ZNF263: variants seen among roughly 807,000 people sequenced by gnomAD.
ZNF263 encodes zinc finger protein 263, also known as zinc finger protein FPM315.
ZNF263 carries 49 observed loss-of-function variants against 63.1 expected under a neutral mutation model. That is an observed-to-expected ratio of 0.78 (90% CI 0.62 to 0.99). The LOEUF (loss-of-function observed/expected upper bound fraction) is 0.99. Among genes scored for constraint, ZNF263 ranks in the 50% least tolerant of loss-of-function variants. The pLI is 0.00. For synonymous variants in ZNF263, 352 were observed against 324.2 expected, an observed-to-expected ratio of 1.09 and a Z score of -0.92; for missense variants, 872 against 854.8, an observed-to-expected ratio of 1.02 and a Z score of -0.25.
At chr16:3,298,618 T>C (rs1959833524) in intron 1 of ZNF263, among the ~76,000 whole-genome samples, 1 of 152,188 alleles carries the variant, frequency 6.6e-6, no homozygotes, top group South Asian at 2.1e-4. Context: ...ACCATTAAAT[T>C]GAAAACCTAA....
At position 3,283,989 on chromosome 16, in the gene ZNF263, A is replaced by G. The variant is rs1428403529; in HGVS notation, c.171A>G (p.Glu57=). 1 of 1,613,936 alleles carries G rather than the reference A, an allele frequency of 6.2e-7. No homozygotes were observed. Among genetic ancestry groups the G allele is most frequent in the Admixed American group, 1.7e-5 (1 of 60,024 alleles). ...FRFQEAAGPR[E]ALSRLQELCH... The stretch of plus-strand genomic sequence containing the variant: ...TCCAAGAGGCAGCTGGTCCCCGGGA[A>G]GCCCTCAGCCGGCTCCAAGAGCTTT... The change falls in exon 1 of 6, where the codon GAA becomes GAG. Residue 57 remains glutamate (E), a synonymous_variant. Transcript: ENST00000219069.
downstream of ZNF263, chr16:3,292,932 C>G (rs147470073): frequency 3.1e-4 from 47 of 152,292 alleles, no homozygotes; most frequent in African/African-American, 1.1e-3. Flanking sequence ...GACAGATGAT[C>G]CAAAAGATTT....
At chr16:3,292,914 C>G (rs1441311479), downstream of ZNF263, 1 of 152,170 alleles carries the variant, frequency 6.6e-6, no homozygotes, top group Non-Finnish European at 1.5e-5. Context: ...AAGAAAGTGC[C>G]AACTGTCGAC....
chr16:3,283,641 C>A lies in ZNF263; in HGVS notation c.-178C>A. 8 of 1,020,820 alleles carry A rather than the reference C, an allele frequency of 7.8e-6. No individual in the cohort carries two copies. Among genetic ancestry groups the A allele is most frequent in the Non-Finnish European group, 1.0e-5 (8 of 786,432 alleles). 63.2% of individuals were successfully genotyped at this position (1,020,820 alleles called of 1,614,324 possible). A position where few individuals can be genotyped will look rare whatever the true frequency, so the allele number is the denominator to read the frequency against. ...GGGCCGGCGTGGCGGCGCCTGGGAC[C>A]GACTGAGGCCTAGGCGCCGGAGCCG... On this transcript the variant is annotated 5_prime_UTR_variant, in exon 1 of 6. Coordinates refer to ENST00000219069, the MANE Select transcript of ZNF263 (RefSeq NM_005741.5).
chr16:3,299,392 G>T (rs1192004118), intron 2 of ZNF263: 4 of 1,550,368 alleles, frequency 2.6e-6, no homozygotes, highest in African/African-American at 2.8e-5. Context: ...ATCATATTCA[G>T]GTTCCTTTTT....
chr16:3,298,847 A>G (rs1276013369), intron 1 of ZNF263: 1 of 413,180 alleles, frequency 2.4e-6, no homozygotes, highest in Non-Finnish European at 4.3e-6. Context: ...TTCAAACTGT[A>G]AATTTTATAA....
At position 3,290,655 on chromosome 16, in the gene ZNF263, T is replaced by C. The variant is rs568149888; in HGVS notation, c.*97T>C. ...TCCCTGCCCAGCCGACCAAATGACC[T>C]CTGCATTCTTCAGGTAATGGGGGCT... On this transcript the variant is annotated 3_prime_UTR_variant, in exon 6 of 6. Transcript: ENST00000219069. 6.8e-7 allele frequency: 1 copy of C among 1,477,956 alleles called. No homozygotes were observed. Among genetic ancestry groups the C allele is most frequent in the South Asian group, 1.4e-5 (1 of 71,928 alleles). 91.6% of individuals were successfully genotyped at this position (1,477,956 alleles called of 1,614,324 possible).
chr16:3,290,041 A>G lies in ZNF263; in HGVS notation c.1535A>G (p.His512Arg). 1 of 1,614,200 alleles carries G rather than the reference A, an allele frequency of 6.2e-7. No individual in the cohort carries two copies. The highest frequency in any genetic ancestry group is 8.5e-7 in the Non-Finnish European group (1 of 1,180,034). ...SSNLLRHQRI[H>R]TGERPYKCPE... The stretch of plus-strand genomic sequence containing the variant: ...AACCTCCTTCGGCACCAGAGAATTC[A>G]CACTGGAGAGCGACCTTATAAGTGT... Residue 512 changes from histidine (H) to arginine (R), a missense_variant, in exon 6 of 6, where the codon CAC becomes CGC. Transcript: ENST00000219069.
chr16:3,299,596 C>T (rs1298587462), intron 2 of ZNF263: 6 of 1,556,410 alleles, frequency 3.9e-6, no homozygotes, highest in African/African-American at 2.8e-5. Context: ...TCTATACAGC[C>T]GTTTGCAGCT....
In ZNF263 at chr16:3,299,166, ACT is replaced by A. The variant is rs753044033; in HGVS notation, c.*46+17_*46+18del. The A allele has an allele frequency of 5.1e-6, 8 of 1,557,622 alleles. No individual in the cohort carries two copies. In the South Asian group the frequency reaches 6.2e-5, roughly 12 times the overall value. On this transcript the variant is annotated intron_variant, in intron 2 of 2. Coordinates refer to the ZNF263 transcript ENST00000574674. Reference sequence around the variant, plus strand: ...CAACAAAGTCAAGAAGGTAGTCCAAACTCTCTCTTACAGCAGATAATTTAAAT... The same window carrying A: ...CAACAAAGTCAAGAAGGTAGTCCAAACTCTCTTACAGCAGATAATTTAAAT...
At chr16:3,285,413 G>T (rs998129668) in intron 2 of ZNF263, among the ~76,000 whole-genome samples, 174 bp downstream of exon 2, 2 of 152,216 alleles carry the variant, frequency 1.3e-5, no homozygotes, top group Non-Finnish European at 2.9e-5. Context: ...GCTGGGGGAA[G>T]GGAAGGGAGT....
At position 3,289,632 on chromosome 16, in the gene ZNF263, A is replaced by C; in HGVS notation, c.1126A>C (p.Lys376Gln). 6.2e-7 allele frequency: 1 copy of C among 1,614,202 alleles called. No homozygotes were observed. ...GCGACCGAAGGAACTGCAGCCAAAG[A>C]AACTCCATTTATGTCCCTTGTGTGG... ...LGRPKELQPKKLHLCPLCGKN... is the reference protein window; with the variant it reads ...LGRPKELQPKQLHLCPLCGKN... The change falls in exon 6 of 6, where the codon AAA becomes CAA. Residue 376 changes from lysine to glutamine, a missense_variant. Physicochemically the swap from Lys to Gln is moderately conservative, Grantham distance 53 (BLOSUM62 1). Coordinates refer to ENST00000219069, the MANE Select transcript of ZNF263 (RefSeq NM_005741.5).
chr16:3,283,855 C>T lies in ZNF263; in HGVS notation c.37C>T (p.Leu13Phe), dbSNP rs1029408820. Residue 13 changes from leucine (L) to phenylalanine (F), a missense_variant, in exon 1 of 6, where the codon CTC (leucine) becomes TTC (phenylalanine). Coordinates refer to ENST00000219069, the MANE Select transcript of ZNF263 (RefSeq NM_005741.5). The stretch of plus-strand genomic sequence containing the variant: ...CCCGGGCTCCCAGGAACGGGAAGGG[C>T]TCCTGATAGTGAAGCTGGAGGAGGA... ...SGPGSQEREGLLIVKLEEDCA... is the reference protein window; with the variant it reads ...SGPGSQEREGFLIVKLEEDCA... 2 of 1,600,374 alleles carry T rather than the reference C, an allele frequency of 1.2e-6. No individual in the cohort carries two copies. Among genetic ancestry groups the T allele is most frequent in the Non-Finnish European group, 1.7e-6 (2 of 1,174,762 alleles).
Position 3,289,905 on chromosome 16 carries a change from T to G in ZNF263, c.1399T>G (p.Cys467Gly). The part of the protein sequence containing the change: ...TGEKPYQCNI[C>G]GKCFSCNSNL... ...TGAGAAGCCCTATCAGTGCAACATT[T>G]GCGGAAAATGTTTCTCCTGCAACTC... is the stretch of plus-strand genomic sequence containing the variant. Residue 467 changes from cysteine to glycine, a missense_variant, in exon 6 of 6, where the codon TGC becomes GGC. Coordinates refer to ENST00000219069, the MANE Select transcript of ZNF263 (RefSeq NM_005741.5). 1 of 1,614,192 alleles carries G rather than the reference T, an allele frequency of 6.2e-7. No individual in the cohort carries two copies. The highest frequency in any genetic ancestry group is 8.5e-7 in the Non-Finnish European group (1 of 1,180,032).
At chr16:3,297,842 G>A (rs956666173) in intron 1 of ZNF263, among the ~76,000 whole-genome samples, 1 of 152,148 alleles carries the variant, frequency 6.6e-6, no homozygotes, top group African/African-American at 2.4e-5. Flanking sequence ...AACAAAGCTT[G>A]TTATTTGCAA....
chr16:3,290,309 A>C lies in ZNF263; in HGVS notation c.1803A>C (p.Lys601Asn). 2 of 1,613,680 alleles carry C rather than the reference A, an allele frequency of 1.2e-6. No homozygotes were observed. Among genetic ancestry groups the C allele is most frequent in the Non-Finnish European group, 1.7e-6 (2 of 1,179,932 alleles). ...TRHQRTHTGE[K>N]PYKCTLCGEN... ...ATCAGAGAACACACACAGGAGAGAA[A>C]CCGTATAAATGTACCCTTTGTGGGG... The change falls in exon 6 of 6, where the codon AAA becomes AAC. Residue 601 changes from lysine to asparagine, a missense_variant. Coordinates refer to ENST00000219069, the MANE Select transcript of ZNF263 (RefSeq NM_005741.5).
intron 2 of ZNF263, chr16:3,300,628 C>A: frequency 6.5e-7 from 1 of 1,536,816 alleles, no homozygotes; most frequent in South Asian, 1.3e-5. Flanking sequence ...GAATTTAACT[C>A]TGAACCACCA....
chr16:3,287,405 CTTTTTTTTTTT>C (rs34751211), intron 4 of ZNF263, among the ~76,000 whole-genome samples: 33 of 97,866 alleles, frequency 3.4e-4, no homozygotes, highest in African/African-American at 1.2e-3. Flanking sequence ...CACACCCGGC[CTTTTTTTTTTT>C]TTTTTTTTTT....
In ZNF263 at chr16:3,290,220, A is replaced by C. The variant is rs1860701290; in HGVS notation, c.1714A>C (p.Lys572Gln). 3.1e-6 allele frequency: 5 copies of C among 1,614,062 alleles called. No homozygotes were observed. The change falls in exon 6 of 6, where the codon AAG becomes CAG. Residue 572 changes from lysine to glutamine, a missense_variant. Lys to Gln is a moderately conservative substitution (Grantham distance 53, BLOSUM62 1). Transcript: ENST00000219069. Reference sequence around the variant, plus strand: ...AAACCATGGAGCCCATAAGGCAGAGAAGAAGCTCTTTGAATGTTTGACTTG... The same window carrying C: ...AAACCATGGAGCCCATAAGGCAGAGCAGAAGCTCTTTGAATGTTTGACTTG... ...LTNHGAHKAE[K>Q]KLFECLTCGK...
Sources: gnomAD v4.1 joint callset for allele counts (sites outside exome capture counted in the v4.1 genomes callset) on GRCh38, gnomAD v4.1.1 for gene constraint, MANE v1.5 for transcripts, NCBI Gene and HGNC (gene_info 2026-07-23, HGNC 2026-07-21) for gene names.